SUGCT: variants seen among roughly 807,000 people sequenced by gnomAD.
SUGCT encodes succinyl-CoA:glutarate-CoA transferase.
A neutral mutation model predicts 55.0 loss-of-function variants in SUGCT; 41 were observed. The ratio of observed to expected loss-of-function variants is 0.74; its 90% CI spans 0.58 to 0.97. The LOEUF (loss-of-function observed/expected upper bound fraction) is 0.97. SUGCT is among the 50% of genes least tolerant of loss of function. The pLI is 0.00. For missense variants in SUGCT, 568 were observed against 547.8 expected, an observed-to-expected ratio of 1.04 and a Z score of -0.37; for synonymous variants, 187 against 200.4, an observed-to-expected ratio of 0.93 and a Z score of 0.56.
intron 7 of SUGCT, among the ~76,000 whole-genome samples, chr7:40,238,882 G>A (rs895313869): frequency 1.3e-5 from 2 of 149,700 alleles, no homozygotes; most frequent in Non-Finnish European, 1.5e-5. Context: ...GTGCAGTGGC[G>A]TGATCTCAGC....
At chr7:40,499,116 G>A (rs772038452) in intron 12 of SUGCT, 14 of 456,690 alleles carry the variant, frequency 3.1e-5, no homozygotes, top group Middle Eastern at 6.5e-4. Context: ...CACCACTGGC[G>A]CGTGTGGCCC....
chr7:40,903,038 T>TTTTCTTTTC, the SUGCT span, among the ~76,000 whole-genome samples: 179 of 111,774 alleles, frequency 1.6e-3, no homozygotes, highest in African/African-American at 5.9e-3. Flanking sequence ...TTTTCTTTTC[T>TTTTCTTTTC]TTTTTTTTTT....
At chr7:40,293,463 A>T (rs1439270785) in intron 8 of SUGCT, among the ~76,000 whole-genome samples, 1 of 152,198 alleles carries the variant, frequency 6.6e-6, no homozygotes, top group Non-Finnish European at 1.5e-5. Context: ...ATCTCTCCGG[A>T]TGATTCTGAT....
intron 12 of SUGCT, among the ~76,000 whole-genome samples, chr7:40,507,444 T>G (rs1792671279): frequency 6.6e-6 from 1 of 152,192 alleles, no homozygotes; most frequent in Admixed American, 6.5e-5. Flanking sequence ...TACCGTTGGA[T>G]GTGTGTGCTT....
intron 12 of SUGCT, among the ~76,000 whole-genome samples, chr7:40,518,860 A>T (rs1793386033): frequency 6.6e-6 from 1 of 152,050 alleles, no homozygotes; most frequent in African/African-American, 2.4e-5. Flanking sequence ...CAATAAATAG[A>T]CCAGAATTAT....
intron 12 of SUGCT, among the ~76,000 whole-genome samples, chr7:40,666,584 A>G (rs937116554): frequency 2.0e-5 from 3 of 151,962 alleles, no homozygotes; most frequent in African/African-American, 7.3e-5. Context: ...TGAACAAGCT[A>G]CTGTGTGGAA....
chr7:40,603,773 A>T (rs1172447424), intron 12 of SUGCT, among the ~76,000 whole-genome samples: 1 of 152,214 alleles, frequency 6.6e-6, no homozygotes, highest in Non-Finnish European at 1.5e-5. Context: ...TATCATAATT[A>T]GTAAGCATGA....
chr7:40,489,908 T>G (rs960060140), intron 11 of SUGCT, among the ~76,000 whole-genome samples: 1 of 152,156 alleles, frequency 6.6e-6, no homozygotes, highest in Non-Finnish European at 1.5e-5. Flanking sequence ...AAGGAGATAT[T>G]TGTTACAGTC....
the SUGCT span, among the ~76,000 whole-genome samples, chr7:41,012,883 AATATTTTGACCTTGT>A: frequency 1.3e-5 from 2 of 152,108 alleles, no homozygotes; most frequent in Non-Finnish European, 2.9e-5. Context: ...TGAAAAGCAA[AATATTTTGACCTTGT>A]TTAAATATTT....
At chr7:40,400,065 A>G (rs2151319752) in intron 9 of SUGCT, among the ~76,000 whole-genome samples, 1 of 152,252 alleles carries the variant, frequency 6.6e-6, no homozygotes, top group Admixed American at 6.5e-5. Context: ...AATAATAACA[A>G]AAATAAAAAT....
intron 1 of SUGCT, among the ~76,000 whole-genome samples, chr7:40,174,551 T>C (rs1354329142): frequency 6.6e-6 from 1 of 152,200 alleles, no homozygotes; most frequent in Non-Finnish European, 1.5e-5. Flanking sequence ...GGTGAGAGGA[T>C]TGCTTGAGCC....
At chr7:40,770,326 G>A (rs1003787620) in intron 13 of SUGCT, among the ~76,000 whole-genome samples, 1 of 152,086 alleles carries the variant, frequency 6.6e-6, no homozygotes, top group African/African-American at 2.4e-5. Flanking sequence ...GTCTGGAGGC[G>A]GGCAGTTCAG....
At chr7:40,540,261 C>G (rs550115770) in intron 12 of SUGCT, among the ~76,000 whole-genome samples, 2 of 152,268 alleles carry the variant, frequency 1.3e-5, no homozygotes, top group South Asian at 4.1e-4. Context: ...AATAAAATAA[C>G]TATCATTTAC....
At chr7:40,860,990 C>T (rs1794473290), downstream of SUGCT, among the ~76,000 whole-genome samples, 1 of 152,140 alleles carries the variant, frequency 6.6e-6, no homozygotes, top group Non-Finnish European at 1.5e-5. Context: ...TAATTCTGAG[C>T]TCTTGAACCC....
At chr7:40,616,733 T>C (rs1264366766) in intron 12 of SUGCT, among the ~76,000 whole-genome samples, 1 of 152,218 alleles carries the variant, frequency 6.6e-6, no homozygotes, top group Non-Finnish European at 1.5e-5. Context: ...GGAGAAGTCC[T>C]GTTGGGGAAC....
At chr7:40,514,559 A>C (rs1793127247) in intron 12 of SUGCT, among the ~76,000 whole-genome samples, 1 of 151,882 alleles carries the variant, frequency 6.6e-6, no homozygotes, top group Non-Finnish European at 1.5e-5. Context: ...AAAGACAAAA[A>C]ATTAGCCGTG....
intron 12 of SUGCT, among the ~76,000 whole-genome samples, chr7:40,662,501 C>T (rs923055931): frequency 6.6e-6 from 1 of 152,222 alleles, no homozygotes; most frequent in African/African-American, 2.4e-5. Flanking sequence ...CTCCTCTCTC[C>T]CTCCTTGTTC....
intron 12 of SUGCT, among the ~76,000 whole-genome samples, chr7:40,748,274 T>C (rs184477428): frequency 9.8e-4 from 149 of 152,296 alleles, no homozygotes; most frequent in Non-Finnish European, 1.9e-3. Context: ...AAGATAGTAT[T>C]TGATTTTTAT....
intron 9 of SUGCT, among the ~76,000 whole-genome samples, chr7:40,431,084 C>T (rs576329179): frequency 2.7e-5 from 4 of 146,120 alleles, no homozygotes; most frequent in Admixed American, 7.0e-5. Context: ...CAGCACTGCA[C>T]TCCAGCCTGG....
Sources: allele counts gnomAD v4.1 joint callset (sites outside exome capture counted in the v4.1 genomes callset), GRCh38; gene constraint gnomAD v4.1.1; transcripts MANE v1.5; gene names NCBI Gene and HGNC (gene_info 2026-07-23, HGNC 2026-07-21).